CFAP43: variants seen among roughly 807,000 people sequenced by gnomAD.
The protein encoded by CFAP43 is cilia and flagella associated protein 43, also known as cilia- and flagella-associated protein 43.
CFAP43 carries 155 observed loss-of-function variants against 218.9 expected under a neutral mutation model. The observed-to-expected ratio is 0.71, with a 90% CI of 0.62 to 0.81. CFAP43 has a LOEUF of 0.81. Ranked by LOEUF, CFAP43 falls within the 30% of genes least tolerant of loss-of-function variation. The pLI, the probability that CFAP43 is intolerant of heterozygous loss-of-function variation, is 0.00. For synonymous variants in CFAP43, 645 were observed against 681.3 expected, an observed-to-expected ratio of 0.95 and a Z score of 0.83; for missense variants, 1,778 against 1,954.3, an observed-to-expected ratio of 0.91 and a Z score of 1.70.
In CFAP43 at chr10:104,172,532, G is replaced by T; in HGVS notation, c.2464C>A (p.Leu822Met). 2 of 1,586,998 alleles carry T rather than the reference G, an allele frequency of 1.3e-6. No individual in the cohort carries two copies. The highest frequency in any genetic ancestry group is 8.5e-7 in the Non-Finnish European group (1 of 1,171,166). ...TTGTCATTTTCTTCCATCATATTCA[G>T]AATCTGAATGTTGAAATAAAAAAGA... ...QGIKSLSKTI[L>M]NMMEENDKLE... The change falls in exon 20 of 38, where the codon CTG becomes ATG. Residue 822 changes from leucine (L) to methionine (M), a missense_variant. Coordinates refer to ENST00000357060, the MANE Select transcript of CFAP43 (RefSeq NM_025145.7).
At chr10:104,201,131 C>A (rs1254604028) in intron 8 of CFAP43, among the ~76,000 whole-genome samples, 1 of 152,168 alleles carries the variant, frequency 6.6e-6, no homozygotes, top group African/African-American at 2.4e-5. Flanking sequence ...TTTTAAATCT[C>A]TAAGGCTATG....
intron 29 of CFAP43, among the ~76,000 whole-genome samples, 158 bp from the exon 30 acceptor site, chr10:104,146,507 C>A (rs988441090): frequency 3.3e-5 from 5 of 152,140 alleles, no homozygotes; most frequent in Non-Finnish European, 5.9e-5. Flanking sequence ...AGAAAATACA[C>A]CAATTGGGGA....
intron 36 of CFAP43, 119 bp downstream of exon 36, chr10:104,131,997 A>T (rs1475710667): frequency 1.5e-6 from 1 of 661,214 alleles, no homozygotes; most frequent in Non-Finnish European, 2.4e-6. Context: ...CCTCATGAAT[A>T]CTAGTAAATA....
At chr10:104,203,367 T>C (rs2090588293) in intron 8 of CFAP43, 3 of 354,994 alleles carry the variant, frequency 8.5e-6, no homozygotes, top group Non-Finnish European at 1.0e-5. Context: ...GCGGAGAGTC[T>C]GCATGGAAAT....
At chr10:104,201,680 ATTT>A (rs11336747) in intron 8 of CFAP43, among the ~76,000 whole-genome samples, 1 of 145,978 alleles carries the variant, frequency 6.9e-6, no homozygotes, top group African/African-American at 2.5e-5. Context: ...CTACTTTCAC[ATTT>A]TTTTTTTTTT....
intron 17 of CFAP43, among the ~76,000 whole-genome samples, chr10:104,181,075 C>T (rs1004008465): frequency 2.6e-4 from 40 of 152,178 alleles, no homozygotes; most frequent in African/African-American, 8.2e-4. Context: ...GGCATCTTCA[C>T]GTGGATGTCT....
chr10:104,139,089 C>A (rs1459663907), intron 34 of CFAP43, among the ~76,000 whole-genome samples: 2 of 152,134 alleles, frequency 1.3e-5, no homozygotes, highest in Admixed American at 6.5e-5. Flanking sequence ...AGATATTTTG[C>A]CTTTGATGGG....
At chr10:104,149,246 C>T (rs746635893) in intron 28 of CFAP43, among the ~76,000 whole-genome samples, 1 of 152,156 alleles carries the variant, frequency 6.6e-6, no homozygotes, top group Non-Finnish European at 1.5e-5. Context: ...GTTCTTTGAT[C>T]AGGAGACATA....
In CFAP43 at chr10:104,160,483, G is replaced by A. The variant is rs573175667; in HGVS notation, c.3540+554C>T. 3.4e-4 allele frequency among the ~76,000 whole-genome samples: 52 copies of A among 152,258 alleles called. 1 individual carries two copies. The highest frequency in any genetic ancestry group is 3.3e-4 in the Admixed American group (5 of 15,300). On this transcript the variant is annotated intron_variant, in intron 27 of 37. Coordinates refer to ENST00000357060, the MANE Select transcript of CFAP43 (RefSeq NM_025145.7). Reference sequence around the variant, plus strand: ...ATTATTTACTTGACTGCACATCACCGTCTTTTATATCTCTACTGTAATTGT... The same window carrying A: ...ATTATTTACTTGACTGCACATCACCATCTTTTATATCTCTACTGTAATTGT...
chr10:104,162,318 T>C lies in CFAP43; in HGVS notation c.3332A>G (p.Gln1111Arg). 1 of 1,613,654 alleles carries C rather than the reference T, an allele frequency of 6.2e-7. No individual in the cohort carries two copies. The highest frequency in any genetic ancestry group is 8.5e-7 in the Non-Finnish European group (1 of 1,179,492). Reference protein sequence around the residue: ...NHEKEHWLLIQDASTRLRALM... With the variant: ...NHEKEHWLLIRDASTRLRALM... ...CCTGTGTTAAGCAAAGCTACATGCC[T>C]GTATCAGAAGCCAGTGCTCCTTTTC... Residue 1111 changes from glutamine to arginine, a missense_variant and splice_region_variant, in exon 25 of 38, where the codon CAG becomes CGG. By Grantham distance (43) the Gln-to-Arg change is conservative (BLOSUM62 1). Transcript: ENST00000357060.
At chr10:104,229,192 G>A (rs1469993041) in intron 2 of CFAP43, among the ~76,000 whole-genome samples, 1 of 152,176 alleles carries the variant, frequency 6.6e-6, no homozygotes, top group Non-Finnish European at 1.5e-5. Context: ...ATAAATTATA[G>A]TGAAGTTCCC....
At chr10:104,170,662 T>A (rs2089371209) in intron 20 of CFAP43, among the ~76,000 whole-genome samples, 2 of 152,054 alleles carry the variant, frequency 1.3e-5, no homozygotes, top group African/African-American at 4.8e-5. Flanking sequence ...TAAGCCTCAG[T>A]TTTTTCAAGT....
At chr10:104,193,349 T>G (rs2090285544) in intron 11 of CFAP43, 2 of 152,368 alleles carry the variant, frequency 1.3e-5, no homozygotes, top group Non-Finnish European at 1.5e-5. Flanking sequence ...AATGAGGCAT[T>G]GTACATAGTT....
Position 104,186,020 on chromosome 10 carries a change from G to C in CFAP43, c.1964C>G (p.Thr655Arg). Residue 655 changes from threonine (T) to arginine (R), a missense_variant, in exon 15 of 38, where the codon ACA becomes AGA. By Grantham distance (71) the Thr-to-Arg change is moderately conservative (BLOSUM62 -1). Transcript: ENST00000357060. ...YLSSHGLWLI[T>R]IAKCGILCIR... ...ACACAGAATTCCACATTTAGCTATT[G>C]TTATGAGCCACAATCCATGTGAAGA... 1 of 1,610,948 alleles carries C rather than the reference G, an allele frequency of 6.2e-7. No individual in the cohort carries two copies. The highest frequency in any genetic ancestry group is 8.5e-7 in the Non-Finnish European group (1 of 1,179,222).
At chr10:104,189,663 G>T (rs1346771029) in intron 12 of CFAP43, among the ~76,000 whole-genome samples, 3 of 152,200 alleles carry the variant, frequency 2.0e-5, no homozygotes, top group African/African-American at 4.8e-5. Flanking sequence ...GTGGACCAGG[G>T]TTCTATTCCC....
chr10:104,198,920 G>A (rs2090453982), intron 8 of CFAP43, among the ~76,000 whole-genome samples: 1 of 151,984 alleles, frequency 6.6e-6, no homozygotes, highest in South Asian at 2.1e-4. Context: ...CAAAGTGCTG[G>A]GATTATAGGC....
In CFAP43 at chr10:104,166,474, G is replaced by T; in HGVS notation, c.3039+14C>A. The T allele has an allele frequency of 6.3e-7, 1 of 1,598,098 alleles. No homozygotes were observed. Among genetic ancestry groups the T allele is most frequent in the African/African-American group, 1.3e-5 (1 of 74,326 alleles). ...GTCTAGAGATTTTTCAGGATAAAAA[G>T]AAAATTGACCCACTTTCAATAATAT... On this transcript the variant is annotated intron_variant, in intron 23 of 37. Transcript: ENST00000357060.
intron 12 of CFAP43, among the ~76,000 whole-genome samples, chr10:104,191,060 A>G (rs1181485124): frequency 6.6e-6 from 1 of 152,194 alleles, no homozygotes; most frequent in East Asian, 1.9e-4. Flanking sequence ...TATGATTATG[A>G]CTATGATCAT....
chr10:104,177,303 C>T (rs528099428), intron 19 of CFAP43, among the ~76,000 whole-genome samples: 2 of 152,202 alleles, frequency 1.3e-5, no homozygotes, highest in South Asian at 2.1e-4. Context: ...CTACCAACTG[C>T]GGGCTCGGGA....
Sources: gnomAD v4.1 joint callset for allele counts (sites outside exome capture counted in the v4.1 genomes callset) on GRCh38, gnomAD v4.1.1 for gene constraint, MANE v1.5 for transcripts, NCBI Gene and HGNC (gene_info 2026-07-23, HGNC 2026-07-21) for gene names.